Variants in SNX7 observed in about 807,000 individuals in gnomAD.
The protein encoded by SNX7 is sorting nexin 7, also known as sorting nexin-7.
In SNX7, 35 loss-of-function variants were observed where a neutral mutation model predicts 48.4. The ratio of observed to expected loss-of-function variants is 0.72; its 90% CI spans 0.55 to 0.96. The LOEUF (loss-of-function observed/expected upper bound fraction) is 0.96. Among genes scored for constraint, SNX7 ranks in the 40% least tolerant of loss-of-function variants. SNX7 has a pLI of 0.00. For synonymous variants in SNX7, 190 were observed against 190.2 expected, an observed-to-expected ratio of 1.00 and a Z score of 0.01; for missense variants, 553 against 548.9, an observed-to-expected ratio of 1.01 and a Z score of -0.07.
At chr1:98,665,795 G>A (rs1361946765) in intron 1 of SNX7, among the ~76,000 whole-genome samples, 1 of 151,946 alleles carries the variant, frequency 6.6e-6, no homozygotes, top group Non-Finnish European at 1.5e-5. Flanking sequence ...TCATCATGTT[G>A]GCCAGGCTGG....
In SNX7 at chr1:98,664,551, C is replaced by A. The variant is rs922109444; in HGVS notation, c.180+2640C>A. 5.9e-5 allele frequency among the ~76,000 whole-genome samples: 9 copies of A among 152,016 alleles called. No individual in the cohort carries two copies. The East Asian group carries it at 7.7e-4, about 13-fold the overall frequency. On this transcript the variant is annotated intron_variant, in intron 1 of 8. Coordinates refer to ENST00000306121, the MANE Select transcript of SNX7 (RefSeq NM_015976.5). Reference sequence around the variant, plus strand: ...TCTCAAAAGAAAAACAAAACAACTTCTTATTATTTTTTTTCCACAACGTAT... The same window carrying A: ...TCTCAAAAGAAAAACAAAACAACTTATTATTATTTTTTTTCCACAACGTAT...
chr1:98,753,376 T>G (rs1272853514), intron 8 of SNX7, among the ~76,000 whole-genome samples: 4 of 152,094 alleles, frequency 2.6e-5, no homozygotes, highest in African/African-American at 9.7e-5. Flanking sequence ...TTAATTCACA[T>G]CACTAATTAG....
At chr1:98,757,566 A>C (rs751016328) in intron 8 of SNX7, among the ~76,000 whole-genome samples, 1 of 151,994 alleles carries the variant, frequency 6.6e-6, no homozygotes, top group African/African-American at 2.4e-5. Context: ...CCTTATCTGC[A>C]AATATAGTCA....
intron 8 of SNX7, among the ~76,000 whole-genome samples, chr1:98,748,110 A>T (rs142913173): frequency 6.6e-6 from 1 of 150,928 alleles, no homozygotes; most frequent in Non-Finnish European, 1.5e-5. Flanking sequence ...CTAAGTAACC[A>T]AGTAGCTGGG....
In SNX7 at chr1:98,760,112, C is replaced by A. The variant is rs779694977; in HGVS notation, c.1337C>A (p.Ala446Asp). 2.5e-6 allele frequency: 4 copies of A among 1,608,954 alleles called. No individual in the cohort carries two copies. Among genetic ancestry groups the A allele is most frequent in the South Asian group, 1.1e-5 (1 of 90,944 alleles). ...TSQTNLHLEEASEDKP is the reference protein window; with the variant it reads ...TSQTNLHLEEDSEDKP The stretch of plus-strand genomic sequence containing the variant: ...CAGACCAACCTTCACTTGGAAGAAG[C>A]CTCTGAAGATAAACCTTAATCCCAT... Residue 446 changes from alanine to aspartate, a missense_variant, in exon 9 of 9, where the codon GCC (alanine) becomes GAC (aspartate). Physicochemically the swap from Ala to Asp is moderately radical, Grantham distance 126. Coordinates refer to ENST00000306121, the MANE Select transcript of SNX7 (RefSeq NM_015976.5).
chr1:98,733,879 A>T (rs776562963), intron 7 of SNX7, among the ~76,000 whole-genome samples: 1 of 152,054 alleles, frequency 6.6e-6, no homozygotes, highest in African/African-American at 2.4e-5. Context: ...TCTCTTAACA[A>T]TTTCCACATA....
intron 6 of SNX7, among the ~76,000 whole-genome samples, chr1:98,699,939 C>G (rs1343908311): frequency 1.3e-5 from 2 of 152,166 alleles, no homozygotes; most frequent in Non-Finnish European, 2.9e-5. Context: ...CTCTCTCTAT[C>G]CATTTCCTTG....
At chr1:98,720,860 C>T (rs140188126) in intron 7 of SNX7, among the ~76,000 whole-genome samples, 7 of 152,060 alleles carry the variant, frequency 4.6e-5, no homozygotes, top group African/African-American at 1.7e-4. Flanking sequence ...GAAGGGAGAT[C>T]ATTTCTCATG....
chr1:98,755,247 A>T (rs1654784293), intron 8 of SNX7, among the ~76,000 whole-genome samples: 1 of 152,108 alleles, frequency 6.6e-6, no homozygotes, highest in South Asian at 2.1e-4. Context: ...TAAATGTTTT[A>T]TGGGCATGTG....
At chr1:98,702,662 T>A (rs905796052) in intron 7 of SNX7, among the ~76,000 whole-genome samples, 4 of 152,116 alleles carry the variant, frequency 2.6e-5, no homozygotes, top group African/African-American at 9.7e-5. Context: ...TAGAGTAATT[T>A]GCCTAAGTTT....
At position 98,695,647 on chromosome 1, in the gene SNX7, A is replaced by T; in HGVS notation, c.769A>T (p.Ile257Phe). ...PEEFMEMNNFIELFSQKINLI... is the reference protein window; with the variant it reads ...PEEFMEMNNFFELFSQKINLI... ...GGAGTTCATGGAAATGAATAACTTT[A>T]TTGAACTATTTAGCCAGAAAATAAA... The change falls in exon 5 of 9, where the codon ATT (isoleucine) becomes TTT (phenylalanine). Residue 257 changes from isoleucine to phenylalanine, a missense_variant. Coordinates refer to ENST00000306121, the MANE Select transcript of SNX7 (RefSeq NM_015976.5). 6.2e-7 allele frequency: 1 copy of T among 1,610,806 alleles called. No individual in the cohort carries two copies.
intron 2 of SNX7, among the ~76,000 whole-genome samples, chr1:98,689,091 G>T (rs1650968956): frequency 6.6e-6 from 1 of 152,080 alleles, no homozygotes; most frequent in South Asian, 2.1e-4. Flanking sequence ...TTTTAGTAAA[G>T]ATGGGGTTTC....
At chr1:98,697,324 G>T (rs1007675239) in intron 5 of SNX7, among the ~76,000 whole-genome samples, 40 of 151,992 alleles carry the variant, frequency 2.6e-4, no homozygotes, top group African/African-American at 9.2e-4. Context: ...ATTTAATACA[G>T]ACTTTTAAAG....
At chr1:98,749,003 C>T (rs1342372908) in intron 8 of SNX7, among the ~76,000 whole-genome samples, 1 of 152,088 alleles carries the variant, frequency 6.6e-6, no homozygotes, top group Admixed American at 6.6e-5. Flanking sequence ...GTACTTTCAG[C>T]GTATGCTAAC....
intron 7 of SNX7, among the ~76,000 whole-genome samples, chr1:98,733,261 G>A (rs1450366943): frequency 6.6e-6 from 1 of 152,056 alleles, no homozygotes; most frequent in Non-Finnish European, 1.5e-5. Context: ...AACCTTATCA[G>A]CAATGCAGAC....
intron 2 of SNX7, among the ~76,000 whole-genome samples, chr1:98,688,269 A>C (rs1272457268): frequency 6.6e-6 from 1 of 152,182 alleles, no homozygotes; most frequent in African/African-American, 2.4e-5. Flanking sequence ...GAATGATCCA[A>C]CTGTGAATGA....
chr1:98,701,315 T>C lies in SNX7; in HGVS notation c.1039-502T>C, dbSNP rs150580957. On this transcript the variant is annotated intron_variant, in intron 6 of 8. Coordinates refer to ENST00000306121, the MANE Select transcript of SNX7 (RefSeq NM_015976.5). ...GAGCTAAAATAAAATGCTTAGGATA[T>C]GAATGCATACTTCAATTTTCTGATT... is the stretch of plus-strand genomic sequence containing the variant. Among the ~76,000 whole-genome samples the C allele has an allele frequency of 1.5e-3, 223 of 152,296 alleles. 1 individual carries two copies. The highest frequency in any genetic ancestry group is 5.2e-3 in the African/African-American group (217 of 41,576).
At chr1:98,728,756 A>G (rs1653328851) in intron 7 of SNX7, among the ~76,000 whole-genome samples, 1 of 152,218 alleles carries the variant, frequency 6.6e-6, no homozygotes, top group African/African-American at 2.4e-5. Flanking sequence ...TAATCTAGAT[A>G]CATATGCACC....
rs966548754 is a variant in SNX7 at position 98,741,212 on chromosome 1, G to A, written c.1278+2823G>A. Among the ~76,000 whole-genome samples, 4 of 152,062 alleles carry A rather than the reference G, an allele frequency of 2.6e-5. No individual in the cohort carries two copies. The East Asian group carries it at 5.8e-4, about 22-fold the overall frequency. ...TTCCTAGTGTGATGGATGAAACAGGGTATACATACATTTGCCTTTGGATTT... is the reference window on the plus strand; with the variant it reads ...TTCCTAGTGTGATGGATGAAACAGGATATACATACATTTGCCTTTGGATTT... On this transcript the variant is annotated intron_variant, in intron 8 of 8. Transcript: ENST00000306121.
Sources: gnomAD v4.1 joint callset for allele counts (sites outside exome capture counted in the v4.1 genomes callset) on GRCh38, gnomAD v4.1.1 for gene constraint, MANE v1.5 for transcripts, NCBI Gene and HGNC (gene_info 2026-07-23, HGNC 2026-07-21) for gene names.